Variants in ITGBL1 observed in about 807,000 individuals in gnomAD.
ITGBL1 encodes integrin beta-like protein 1.
ITGBL1 carries 51 observed loss-of-function variants against 68.5 expected under a neutral mutation model. That is an observed-to-expected ratio of 0.74 (90% CI 0.59 to 0.94). The LOEUF (loss-of-function observed/expected upper bound fraction) is 0.94. Among genes scored for constraint, ITGBL1 ranks in the 40% least tolerant of loss-of-function variants. The pLI is 0.00. For synonymous variants in ITGBL1, 209 were observed against 227.3 expected, an observed-to-expected ratio of 0.92 and a Z score of 0.72; for missense variants, 649 against 647.4, an observed-to-expected ratio of 1.00 and a Z score of -0.03.
intron 6 of ITGBL1, among the ~76,000 whole-genome samples, chr13:101,586,051 A>C (rs1476297107): frequency 6.6e-6 from 1 of 152,094 alleles, no homozygotes; most frequent in African/African-American, 2.4e-5. Context: ...CTGACACTTC[A>C]ATCCTCGTGT....
At chr13:101,637,374 C>T (rs1254883092) in intron 7 of ITGBL1, among the ~76,000 whole-genome samples, 2 of 142,120 alleles carry the variant, frequency 1.4e-5, no homozygotes, top group African/African-American at 5.3e-5. Context: ...GACAGAGTCT[C>T]ACTCTGTCAC....
At chr13:101,548,380 G>C (rs2049863383) in intron 2 of ITGBL1, among the ~76,000 whole-genome samples, 1 of 151,826 alleles carries the variant, frequency 6.6e-6, no homozygotes, top group Non-Finnish European at 1.5e-5. Flanking sequence ...TCCATATTGA[G>C]AGATCGATCT....
intron 7 of ITGBL1, among the ~76,000 whole-genome samples, chr13:101,607,396 AT>A (rs2030919958): frequency 6.6e-6 from 1 of 152,054 alleles, no homozygotes; most frequent in Non-Finnish European, 1.5e-5. Context: ...TATTAAACAT[AT>A]TTCCTGTTAC....
intron 7 of ITGBL1, among the ~76,000 whole-genome samples, chr13:101,645,154 T>A (rs1458899477): frequency 6.6e-6 from 1 of 152,080 alleles, no homozygotes; most frequent in Non-Finnish European, 1.5e-5. Context: ...CATGACCAAG[T>A]CTCTCATCAG....
intron 7 of ITGBL1, among the ~76,000 whole-genome samples, chr13:101,644,059 C>T (rs750550633): frequency 2.8e-4 from 43 of 152,070 alleles, no homozygotes; most frequent in East Asian, 1.2e-3. Context: ...CCTGGCTGGC[C>T]GTGTCACCTC....
In ITGBL1 at chr13:101,637,589, C is replaced by T. The variant is rs376220052; in HGVS notation, c.1015+39290C>T. Reference sequence around the variant, plus strand: ...CGATCTCCTGATCTCCTGATTCACCCGCCTTGGCCTCCCAAAGTGCTGGGA... The same window carrying T: ...CGATCTCCTGATCTCCTGATTCACCTGCCTTGGCCTCCCAAAGTGCTGGGA... On this transcript the variant is annotated intron_variant, in intron 7 of 10. Coordinates refer to ENST00000376180, the MANE Select transcript of ITGBL1 (RefSeq NM_004791.3). Among the ~76,000 whole-genome samples the T allele has an allele frequency of 1.8e-4, 27 of 152,192 alleles. 1 individual carries two copies. In the East Asian group the frequency reaches 3.5e-3, roughly 20 times the overall value.
chr13:101,524,887 G>C (rs1814898850), intron 2 of ITGBL1, among the ~76,000 whole-genome samples: 1 of 152,148 alleles, frequency 6.6e-6, no homozygotes, highest in Non-Finnish European at 1.5e-5. Context: ...TATATGTAGA[G>C]GTAATCACAG....
At chr13:101,626,914 A>G (rs57359559) in intron 7 of ITGBL1, among the ~76,000 whole-genome samples, 20,130 of 152,156 alleles carry the variant, frequency 0.13, 2,032 homozygotes, top group African/African-American at 0.29. Flanking sequence ...TTCAATAGGG[A>G]GACACTGGTA....
At chr13:101,473,557 T>C (rs1308709582) in intron 2 of ITGBL1, among the ~76,000 whole-genome samples, 1 of 152,150 alleles carries the variant, frequency 6.6e-6, no homozygotes, top group Non-Finnish European at 1.5e-5. Flanking sequence ...GTGTTTTAAA[T>C]AAACTTGAAA....
intron 7 of ITGBL1, among the ~76,000 whole-genome samples, chr13:101,676,673 G>T (rs2033510979): frequency 1.3e-5 from 2 of 152,022 alleles, no homozygotes; most frequent in Non-Finnish European, 2.9e-5. Context: ...GGTTGCCTTT[G>T]GGTTTACTTA....
chr13:101,536,262 C>T (rs2049574662), intron 2 of ITGBL1, among the ~76,000 whole-genome samples: 1 of 151,940 alleles, frequency 6.6e-6, no homozygotes, highest in African/African-American at 2.4e-5. Context: ...TGAAGTCAGG[C>T]TTACTAATAG....
At chr13:101,711,393 C>A (rs2296909) in intron 9 of ITGBL1, 104,276 of 152,216 alleles carry the variant, frequency 0.69, 35,764 homozygotes, top group Admixed American at 0.73. Flanking sequence ...ACAACCTGTC[C>A]CACATCCCCA....
At chr13:101,549,446 A>G (rs988154691) in intron 2 of ITGBL1, among the ~76,000 whole-genome samples, 2 of 151,976 alleles carry the variant, frequency 1.3e-5, no homozygotes, top group Non-Finnish European at 2.9e-5. Flanking sequence ...TAAATATTAA[A>G]ATTTTATGGA....
At chr13:101,612,219 C>G (rs193266406) in intron 7 of ITGBL1, among the ~76,000 whole-genome samples, 1 of 152,126 alleles carries the variant, frequency 6.6e-6, no homozygotes, top group African/African-American at 2.4e-5. Flanking sequence ...GTAAATAATA[C>G]CAAATGGCCT....
chr13:101,597,850 C>A (rs1006003581), intron 6 of ITGBL1, among the ~76,000 whole-genome samples: 23 of 152,100 alleles, frequency 1.5e-4, no homozygotes, highest in Admixed American at 1.2e-3. Flanking sequence ...CAGCGCCCGG[C>A]CCAAATACTC....
intron 2 of ITGBL1, among the ~76,000 whole-genome samples, chr13:101,461,819 G>A (rs1335458704): frequency 6.6e-6 from 1 of 152,140 alleles, no homozygotes; most frequent in Non-Finnish European, 1.5e-5. Context: ...TCCTGCCCTT[G>A]TATTATTTTT....
intron 7 of ITGBL1, among the ~76,000 whole-genome samples, chr13:101,689,383 G>A (rs1463057107): frequency 2.6e-5 from 4 of 152,006 alleles, no homozygotes; most frequent in Non-Finnish European, 5.9e-5. Flanking sequence ...GATAATGACT[G>A]AAACAAAATT....
At chr13:101,486,950 G>T (rs1276405305) in intron 2 of ITGBL1, among the ~76,000 whole-genome samples, 1 of 143,146 alleles carries the variant, frequency 7.0e-6, no homozygotes, top group Non-Finnish European at 1.5e-5. Context: ...TCAGCCAAAT[G>T]GGAAGAATTA....
intron 7 of ITGBL1, among the ~76,000 whole-genome samples, chr13:101,641,897 C>A (rs369168321): frequency 1.3e-5 from 2 of 151,646 alleles, no homozygotes. Context: ...TGAACTCATC[C>A]TTTTTTATGG....
Sources: allele counts gnomAD v4.1 joint callset (sites outside exome capture counted in the v4.1 genomes callset), GRCh38; gene constraint gnomAD v4.1.1; transcripts MANE v1.5; gene names NCBI Gene and HGNC (gene_info 2026-07-23, HGNC 2026-07-21).